LAMC1: variants seen among roughly 807,000 people sequenced by gnomAD.
The protein encoded by LAMC1 is laminin subunit gamma 1.
Under a neutral mutation model 173.6 loss-of-function variants are expected in LAMC1, and 38 were observed. The observed-to-expected ratio is 0.22, with a 90% CI of 0.17 to 0.29. The LOEUF is 0.29. LAMC1 is among the 10% of genes least tolerant of loss of function. The probability of loss-of-function intolerance (pLI) is 1.00; values close to 1 mark genes in which losing one functional copy is unlikely to be tolerated. For missense variants in LAMC1, 1,824 were observed against 2,051.8 expected (o/e 0.89, Z 2.14); for synonymous variants, 746 against 749.1 (o/e 1.00, Z 0.07).
At chr1:183,069,458 CATT>C (rs756324314) in intron 1 of LAMC1, among the ~76,000 whole-genome samples, 1 of 152,138 alleles carries the variant, frequency 6.6e-6, no homozygotes, top group Non-Finnish European at 1.5e-5. Context: ...AAAGTTAAGT[CATT>C]ATCCTCAAGG....
At chr1:183,073,641 G>A (rs1250515893) in intron 1 of LAMC1, among the ~76,000 whole-genome samples, 1 of 152,158 alleles carries the variant, frequency 6.6e-6, no homozygotes, top group African/African-American at 2.4e-5. Context: ...CAGGTGTCTG[G>A]TATAAGCAAG....
Position 183,069,110 on chromosome 1 carries a change from G to C in LAMC1, c.419-34218G>C, listed in dbSNP as rs1571420246. ...AACTTCATATTACAGACTCTCTACT[G>C]TACCTGCTATATTGTGTATTACAAC... On this transcript the variant is annotated intron_variant, in intron 1 of 27. Transcript: ENST00000258341. Among the ~76,000 whole-genome samples the C allele has an allele frequency of 2.0e-5, 3 of 152,218 alleles. No homozygotes were observed. In the South Asian group the frequency reaches 6.2e-4, roughly 32 times the overall value.
intron 1 of LAMC1, among the ~76,000 whole-genome samples, chr1:183,048,017 G>A (rs763447006): frequency 1.3e-5 from 2 of 151,898 alleles, no homozygotes; most frequent in Non-Finnish European, 2.9e-5. Flanking sequence ...TATTCAAGTT[G>A]CCCATACAAC....
intron 1 of LAMC1, among the ~76,000 whole-genome samples, chr1:183,036,377 C>T (rs1429872447): frequency 2.1e-5 from 3 of 145,752 alleles, no homozygotes; most frequent in African/African-American, 5.1e-5. Flanking sequence ...GGATTACTGG[C>T]GTGAGCCACC....
At chr1:183,138,834 G>A (rs1411134915) in intron 26 of LAMC1, among the ~76,000 whole-genome samples, 2 of 151,982 alleles carry the variant, frequency 1.3e-5, no homozygotes, top group African/African-American at 2.4e-5. Context: ...TGGGTGGATC[G>A]CCTGTGGTCA....
intron 20 of LAMC1, among the ~76,000 whole-genome samples, 186 bp downstream of exon 20, chr1:183,131,564 TTTTAC>T (rs1558059093): frequency 6.6e-6 from 1 of 152,130 alleles, no homozygotes. Context: ...CTTTTCTTCC[TTTTAC>T]TTTGACATTA....
rs189743987 is a variant in LAMC1, at chr1:183,114,305, A to G, written c.1022-226A>G. Reference sequence around the variant, plus strand: ...AGGCTGGTCTCAAACTCATGACCTCAGGTGATCTGCCTGCCTCAGCCTTCC... The same window carrying G: ...AGGCTGGTCTCAAACTCATGACCTCGGGTGATCTGCCTGCCTCAGCCTTCC... On this transcript the variant is annotated intron_variant, in intron 4 of 27. Coordinates refer to ENST00000258341, the MANE Select transcript of LAMC1 (RefSeq NM_002293.4). Among the ~76,000 whole-genome samples the G allele has an allele frequency of 2.2e-3, 333 of 152,302 alleles. 2 individuals are homozygous for G. Among genetic ancestry groups the G allele is most frequent in the South Asian group, 5.8e-3 (28 of 4,822 alleles).
Position 183,114,515 on chromosome 1 carries a change from G to A in LAMC1, c.1022-16G>A. Reference sequence around the variant, plus strand: ...GGTACCCAGATCTGATGTAACTCGTGTGTTTTGACTGACAGCCTGTGATTG... The same window carrying A: ...GGTACCCAGATCTGATGTAACTCGTATGTTTTGACTGACAGCCTGTGATTG... On this transcript the variant is annotated splice_polypyrimidine_tract_variant and intron_variant, in intron 4 of 27. Transcript: ENST00000258341. 6.2e-7 allele frequency: 1 copy of A among 1,613,918 alleles called. No homozygotes were observed.
rs898564356 is a variant in LAMC1 at position 183,110,780 on chromosome 1, T to C, written c.1021+126T>C. On this transcript the variant is annotated intron_variant, in intron 4 of 27. Transcript: ENST00000258341. ...TCTGAAAGGCCAGCTTTTTGTGTAA[T>C]TTGAGTAGTATTCAAGTCAGAGGAA... is the stretch of plus-strand genomic sequence containing the variant. 3.2e-5 allele frequency: 31 copies of C among 963,478 alleles called. No individual in the cohort carries two copies. The African/African-American group carries it at 5.1e-4, about 16-fold the overall frequency. 59.7% of individuals were successfully genotyped at this position (963,478 alleles called of 1,614,324 possible).
At position 183,131,290 on chromosome 1, in the gene LAMC1, C is replaced by G; in HGVS notation, c.3487-9C>G. On this transcript the variant is annotated splice_polypyrimidine_tract_variant and intron_variant, in intron 19 of 27. Transcript: ENST00000258341. ...TCCTTTGAGAATAAGTGCTTTATTTCCTGTGCAGTCAGTCACTCAGCCAGA... is the reference window on the plus strand; with the variant it reads ...TCCTTTGAGAATAAGTGCTTTATTTGCTGTGCAGTCAGTCACTCAGCCAGA... The G allele has an allele frequency of 6.2e-7, 1 of 1,606,334 alleles. No homozygotes were observed. Among genetic ancestry groups the G allele is most frequent in the Non-Finnish European group, 8.5e-7 (1 of 1,173,536 alleles).
intron 1 of LAMC1, among the ~76,000 whole-genome samples, chr1:183,043,024 A>C (rs1217122199): frequency 3.9e-5 from 6 of 152,186 alleles, no homozygotes; most frequent in Non-Finnish European, 8.8e-5. Context: ...AGAAGTGATA[A>C]ATCAGTGCTT....
chr1:183,096,990 T>A (rs1655710359), intron 1 of LAMC1, among the ~76,000 whole-genome samples: 1 of 152,190 alleles, frequency 6.6e-6, no homozygotes, highest in Non-Finnish European at 1.5e-5. Flanking sequence ...TGTTCTGTAG[T>A]GCTTCCGATC....
At chr1:183,133,278 C>A in intron 21 of LAMC1, 128 bp from the exon 22 acceptor site, 2 of 768,532 alleles carry the variant, frequency 2.6e-6, no homozygotes, top group South Asian at 2.0e-5. Context: ...TATTAAAATG[C>A]AAGCATTTTA....
At position 183,125,333 on chromosome 1, in the gene LAMC1, T is replaced by C. The variant is rs183507220; in HGVS notation, c.2648-64T>C. 10 of 1,555,146 alleles carry C rather than the reference T, an allele frequency of 6.4e-6. No individual in the cohort carries two copies. In the African/African-American group the frequency reaches 1.2e-4, roughly 19 times the overall value. On this transcript the variant is annotated intron_variant, in intron 14 of 27. Transcript: ENST00000258341. ...AGGTCTAAAGAATCTCTTTAGGTTG[T>C]TTATATTTTAGTATTTCTCTCAGGT...
intron 1 of LAMC1, among the ~76,000 whole-genome samples, chr1:183,082,291 A>G (rs1655298115): frequency 6.6e-6 from 1 of 152,216 alleles, no homozygotes; most frequent in South Asian, 2.1e-4. Flanking sequence ...CCATTCAGCA[A>G]TTGTATGCTA....
intron 1 of LAMC1, among the ~76,000 whole-genome samples, chr1:183,100,189 C>T (rs1344115714): frequency 1.3e-5 from 2 of 152,180 alleles, no homozygotes; most frequent in Non-Finnish European, 2.9e-5. Flanking sequence ...TCATTTCTCT[C>T]CATTCCTCTG....
Position 183,026,259 on chromosome 1 carries a change from T to C in LAMC1, c.418+2125T>C, listed in dbSNP as rs148639772. On this transcript the variant is annotated intron_variant, in intron 1 of 27. Transcript: ENST00000258341. Reference sequence around the variant, plus strand: ...TGATTAACTGTAAAAATATGTACTTTAAACTTCTAGTTTAAACTAACTTGA... The same window carrying C: ...TGATTAACTGTAAAAATATGTACTTCAAACTTCTAGTTTAAACTAACTTGA... 1.9e-3 allele frequency among the ~76,000 whole-genome samples: 293 copies of C among 152,354 alleles called. 3 individuals are homozygous for C. The highest frequency in any genetic ancestry group is 7.8e-3 in the Admixed American group (119 of 15,308).
At chr1:183,050,391 C>T (rs368478387) in intron 1 of LAMC1, among the ~76,000 whole-genome samples, 7 of 149,608 alleles carry the variant, frequency 4.7e-5, no homozygotes, top group African/African-American at 1.5e-4. Context: ...ACGCCATTCT[C>T]CTGCCTCAGC....
intron 1 of LAMC1, among the ~76,000 whole-genome samples, chr1:183,076,030 T>C (rs1655113153): frequency 1.3e-5 from 2 of 152,252 alleles, no homozygotes; most frequent in African/African-American, 2.4e-5. Context: ...TTTGACATTA[T>C]GTTGTCTGGT....
Sources: gnomAD v4.1 joint callset for allele counts (sites outside exome capture counted in the v4.1 genomes callset) on GRCh38, gnomAD v4.1.1 for gene constraint, MANE v1.5 for transcripts, NCBI Gene and HGNC (gene_info 2026-07-23, HGNC 2026-07-21) for gene names.